IMPA1: variants seen among roughly 807,000 people sequenced by gnomAD.
IMPA1 encodes inositol monophosphatase 1.
A neutral mutation model predicts 34.9 loss-of-function variants in IMPA1; 21 were observed. That is an observed-to-expected ratio of 0.60 (90% CI 0.43 to 0.87). IMPA1 has a LOEUF of 0.87. Among genes scored for constraint, IMPA1 ranks in the 40% least tolerant of loss-of-function variants. The probability of loss-of-function intolerance (pLI) is 0.00; values close to 1 mark genes in which losing one functional copy is unlikely to be tolerated. For synonymous variants in IMPA1, 95 were observed against 104.4 expected (o/e 0.91, Z 0.55); for missense variants, 299 against 336.4 (o/e 0.89, Z 0.87).
chr8:81,674,238 T>G (rs1807069366), intron 5 of IMPA1: 2 of 292,024 alleles, frequency 6.8e-6, no homozygotes. Context: ...TGAACGCTTC[T>G]CCGGTGTTAG....
intron 2 of IMPA1, among the ~76,000 whole-genome samples, chr8:81,681,038 G>T (rs1216549199): frequency 6.6e-6 from 1 of 151,996 alleles, no homozygotes; most frequent in African/African-American, 2.4e-5. Flanking sequence ...TAAAATTAGG[G>T]TATACACGCA....
intron 1 of IMPA1, among the ~76,000 whole-genome samples, chr8:81,684,568 G>GTA (rs1396983939): frequency 1.6e-4 from 22 of 137,866 alleles, no homozygotes; most frequent in African/African-American, 4.3e-4. Flanking sequence ...CTAATGTGTA[G>GTA]TATATATACT....
rs139148630 is a variant in IMPA1 at position 81,669,607 on chromosome 8, C to T, written c.566+1332G>A. 3.1e-3 allele frequency among the ~76,000 whole-genome samples: 468 copies of T among 152,260 alleles called. 5 individuals are homozygous for T. The highest frequency in any genetic ancestry group is 4.5e-3 in the Non-Finnish European group (307 of 68,020). ...CTGTGTCACTATTGTATCTTTGAAG[C>T]AGATAGCTTGTTTTGATTTCACAGG... On this transcript the variant is annotated intron_variant, in intron 7 of 8. Coordinates refer to ENST00000256108, the MANE Select transcript of IMPA1 (RefSeq NM_005536.4).
chr8:81,665,888 A>T (rs1032374549), intron 7 of IMPA1, among the ~76,000 whole-genome samples: 25 of 152,240 alleles, frequency 1.6e-4, no homozygotes, highest in Admixed American at 4.6e-4. Flanking sequence ...GCCACAGAAA[A>T]GCATTTTGGA....
chr8:81,680,935 C>T (rs1317810618), intron 2 of IMPA1, 152 bp from the exon 3 acceptor site: 1 of 609,636 alleles, frequency 1.6e-6, no homozygotes, highest in Non-Finnish European at 2.7e-6. Context: ...ATAAAATAAG[C>T]CTTTAATAGT....
At chr8:81,683,992 A>C (rs1807381810) in intron 1 of IMPA1, among the ~76,000 whole-genome samples, 1 of 151,956 alleles carries the variant, frequency 6.6e-6, no homozygotes, top group Admixed American at 6.6e-5. Flanking sequence ...CAGTCAGACA[A>C]GGTAGGTCAG....
intron 5 of IMPA1, chr8:81,674,458 TG>T (rs1307991884): frequency 4.2e-6 from 1 of 238,000 alleles, no homozygotes; most frequent in Non-Finnish European, 8.4e-6. Context: ...GCTTCTGCCC[TG>T]ATCACTCATT....
At chr8:81,665,308 T>C (rs957223626) in intron 7 of IMPA1, among the ~76,000 whole-genome samples, 6 of 151,674 alleles carry the variant, frequency 4.0e-5, no homozygotes, top group Non-Finnish European at 8.8e-5. Flanking sequence ...CCAAAATACG[T>C]ACATAAAACA....
At chr8:81,684,879 ATGT>A (rs1258871089) in intron 1 of IMPA1, among the ~76,000 whole-genome samples, 3 of 134,970 alleles carry the variant, frequency 2.2e-5, no homozygotes, top group African/African-American at 8.4e-5. Context: ...TTTAGATACT[ATGT>A]ATAGTATATA....
chr8:81,666,869 CAAAAAAAA>C (rs33975606), intron 7 of IMPA1, among the ~76,000 whole-genome samples: 2 of 39,340 alleles, frequency 5.1e-5, no homozygotes, highest in Non-Finnish European at 9.7e-5. Context: ...GACTCTGTCT[CAAAAAAAA>C]AAAAAAAAAA....
intron 2 of IMPA1, 24 bp from the exon 3 acceptor site, chr8:81,680,807 AAT>A: frequency 5.2e-6 from 8 of 1,539,834 alleles, no homozygotes; most frequent in Non-Finnish European, 7.1e-6. Flanking sequence ...TTGGTAAGCA[AAT>A]AGAAAAGGCA....
chr8:81,684,540 C>T (rs544084633), intron 1 of IMPA1, among the ~76,000 whole-genome samples: 1 of 104,638 alleles, frequency 9.6e-6, no homozygotes, highest in East Asian at 7.8e-4. Context: ...ATATACTACA[C>T]ATAAGTATCT....
intron 2 of IMPA1, 102 bp from the exon 3 acceptor site, chr8:81,680,885 T>A (rs758697311): frequency 3.0e-5 from 25 of 838,284 alleles, no homozygotes; most frequent in Non-Finnish European, 4.4e-5. Context: ...TAAATAATAT[T>A]CTTTAAAGAC....
At chr8:81,682,714 C>A (rs1204841186) in intron 1 of IMPA1, among the ~76,000 whole-genome samples, 2 of 152,184 alleles carry the variant, frequency 1.3e-5, no homozygotes, top group South Asian at 2.1e-4. Flanking sequence ...TGCTTTCCTG[C>A]CAGAAACAGC....
At chr8:81,664,005 C>T (rs929909609) in intron 7 of IMPA1, among the ~76,000 whole-genome samples, 2 of 151,958 alleles carry the variant, frequency 1.3e-5, no homozygotes, top group African/African-American at 4.8e-5. Flanking sequence ...CACCATTGGA[C>T]TCCAGCCTGG....
chr8:81,685,410 G>A lies in IMPA1; in HGVS notation c.-25+842C>T, dbSNP rs1164964027. On this transcript the variant is annotated intron_variant, in intron 1 of 8. Coordinates refer to ENST00000256108, the MANE Select transcript of IMPA1 (RefSeq NM_005536.4). ...AGTATATATACCTAAGTATATTTAG[G>A]TACTATATATAAGTATGTATACCTA... Among the ~76,000 whole-genome samples, 7 of 138,210 alleles carry A rather than the reference G, an allele frequency of 5.1e-5. No homozygotes were observed. The South Asian group carries it at 1.6e-3, about 31-fold the overall frequency. 90.7% of individuals were successfully genotyped at this position (138,210 alleles called of 152,430 possible).
rs60111355 is a variant in IMPA1, at chr8:81,664,017, G to A, written c.567-3350C>T. On this transcript the variant is annotated intron_variant, in intron 7 of 8. Coordinates refer to ENST00000256108, the MANE Select transcript of IMPA1 (RefSeq NM_005536.4). Reference sequence around the variant, plus strand: ...TTGCACCATTGGACTCCAGCCTGGCGACAGAGACTCCGTCTCAGAAAAAAA... The same window carrying A: ...TTGCACCATTGGACTCCAGCCTGGCAACAGAGACTCCGTCTCAGAAAAAAA... Among the ~76,000 whole-genome samples the A allele has an allele frequency of 7.6e-3, 1,161 of 151,874 alleles. 11 individuals are homozygous for A. The highest frequency in any genetic ancestry group is 0.026 in the African/African-American group (1,058 of 41,422).
intron 7 of IMPA1, among the ~76,000 whole-genome samples, chr8:81,660,918 T>C (rs1806654922): frequency 6.6e-6 from 1 of 152,160 alleles, no homozygotes; most frequent in South Asian, 2.1e-4. Context: ...TAATTTTTCA[T>C]AAAAAATAAA....
chr8:81,661,504 A>G (rs1375482530), intron 7 of IMPA1, among the ~76,000 whole-genome samples: 3 of 152,274 alleles, frequency 2.0e-5, no homozygotes, highest in Non-Finnish European at 4.4e-5. Context: ...TGATCCAAAT[A>G]TAATCATGAG....
Sources: allele counts gnomAD v4.1 joint callset (sites outside exome capture counted in the v4.1 genomes callset), GRCh38; gene constraint gnomAD v4.1.1; transcripts MANE v1.5; gene names NCBI Gene and HGNC (gene_info 2026-07-23, HGNC 2026-07-21).